The following TNR variants were observed in gnomAD, a reference collection of about 807,000 sequenced individuals.
TNR encodes the protein tenascin-R.
In TNR, 45 loss-of-function variants were observed where a neutral mutation model predicts 150.4. The ratio of observed to expected loss-of-function variants is 0.30; its 90% CI spans 0.24 to 0.38. TNR has a LOEUF of 0.38. Among genes scored for constraint, TNR ranks in the 10% least tolerant of loss-of-function variants. The pLI is 1.00. For synonymous variants in TNR, 687 were observed against 678.4 expected, an observed-to-expected ratio of 1.01 and a Z score of -0.20; for missense variants, 1,544 against 1,759.1, an observed-to-expected ratio of 0.88 and a Z score of 2.19.
At chr1:175,482,361 G>T (rs764260646) in intron 2 of TNR, among the ~76,000 whole-genome samples, 2 of 152,142 alleles carry the variant, frequency 1.3e-5, no homozygotes, top group African/African-American at 2.4e-5. Context: ...AGACCGGAAG[G>T]GATAAAACTT....
chr1:175,618,996 A>G (rs1050593189), intron 1 of TNR, among the ~76,000 whole-genome samples: 5 of 152,162 alleles, frequency 3.3e-5, no homozygotes, highest in African/African-American at 1.2e-4. Flanking sequence ...CCCTGGCCTC[A>G]TTGCCCAGGT....
At position 175,323,223 on chromosome 1, in the gene TNR, T is replaced by C. The variant is rs1394932172; in HGVS notation, c.*134A>G. ...GAGCAGATGTTAGCCAGCGGATTCC[T>C]GCGACATCCCTGCTTCCTTCACATA... On this transcript the variant is annotated 3_prime_UTR_variant, in exon 23 of 23. Coordinates refer to ENST00000367674, the MANE Select transcript of TNR (RefSeq NM_003285.3). 1 of 1,201,530 alleles carries C rather than the reference T, an allele frequency of 8.3e-7. No homozygotes were observed. The highest frequency in any genetic ancestry group is 1.1e-6 in the Non-Finnish European group (1 of 881,800). 74.4% of individuals were successfully genotyped at this position (1,201,530 alleles called of 1,614,324 possible). A position where few individuals can be genotyped will look rare whatever the true frequency, so the allele number is the denominator to read the frequency against.
intron 1 of TNR, among the ~76,000 whole-genome samples, chr1:175,742,941 C>A (rs1234351769): frequency 4.1e-5 from 6 of 146,526 alleles, no homozygotes; most frequent in African/African-American, 1.5e-4. Context: ...TTAGCTCAGA[C>A]CTCACCTGTC....
At chr1:175,354,338 G>T (rs962464667) in intron 18 of TNR, 53 bp downstream of exon 18, 12 of 1,599,214 alleles carry the variant, frequency 7.5e-6, no homozygotes, top group Non-Finnish European at 1.0e-5. Flanking sequence ...CTGCTGATGA[G>T]CCAAACATCA....
At chr1:175,615,681 A>G (rs2101859465) in intron 1 of TNR, among the ~76,000 whole-genome samples, 1 of 152,308 alleles carries the variant, frequency 6.6e-6, no homozygotes, top group South Asian at 2.1e-4. Context: ...TTCAGGAATT[A>G]GAGTGTAGAG....
intron 1 of TNR, among the ~76,000 whole-genome samples, chr1:175,546,896 G>A (rs1660710510): frequency 6.6e-6 from 1 of 152,234 alleles, no homozygotes; most frequent in Non-Finnish European, 1.5e-5. Context: ...CTCACCTCAA[G>A]TTGACCAGAG....
intron 2 of TNR, among the ~76,000 whole-genome samples, chr1:175,416,506 T>C (rs1654458332): frequency 6.6e-6 from 1 of 152,254 alleles, no homozygotes; most frequent in African/African-American, 2.4e-5. Flanking sequence ...TCTGTGTTTC[T>C]TGAGCTTGGA....
At chr1:175,413,198 G>T (rs1654291125) in intron 2 of TNR, among the ~76,000 whole-genome samples, 1 of 152,160 alleles carries the variant, frequency 6.6e-6, no homozygotes, top group Admixed American at 6.5e-5. Context: ...GCTAATTTTT[G>T]TATTTTTAGT....
At position 175,323,108 on chromosome 1, in the gene TNR, C is replaced by T. The variant is rs960494186; in HGVS notation, c.*249G>A. The T allele has an allele frequency of 1.1e-4, 43 of 391,562 alleles. 3 individuals carry two copies. Among genetic ancestry groups the T allele is most frequent in the South Asian group, 2.3e-4 (4 of 17,620 alleles). 24.3% of individuals were successfully genotyped at this position (391,562 alleles called of 1,614,324 possible). On this transcript the variant is annotated 3_prime_UTR_variant, in exon 23 of 23. Transcript: ENST00000367674. ...TTTAAGAAAACTTCCTACTTCTCCT[C>T]CTTGGTGGGAAAGGAGGTGAAGGTT...
intron 2 of TNR, among the ~76,000 whole-genome samples, chr1:175,463,839 A>C (rs1656919153): frequency 6.6e-6 from 1 of 152,240 alleles, no homozygotes; most frequent in South Asian, 2.1e-4. Flanking sequence ...GCTGCAAGGC[A>C]GAAATGAAGG....
chr1:175,674,188 C>T (rs921482157), intron 1 of TNR, among the ~76,000 whole-genome samples: 1 of 152,070 alleles, frequency 6.6e-6, no homozygotes, highest in African/African-American at 2.4e-5. Flanking sequence ...AGGAGTCCTA[C>T]CTGGGGAAAA....
chr1:175,722,742 C>T (rs1667342860), intron 1 of TNR, among the ~76,000 whole-genome samples: 2 of 151,720 alleles, frequency 1.3e-5, no homozygotes, highest in Non-Finnish European at 2.9e-5. Context: ...TGGGGGATTA[C>T]AGGCATGAGC....
At chr1:175,672,986 A>C (rs1456336856) in intron 1 of TNR, among the ~76,000 whole-genome samples, 1 of 152,070 alleles carries the variant, frequency 6.6e-6, no homozygotes, top group Non-Finnish European at 1.5e-5. Context: ...GCCTCTTCTG[A>C]GTTCCAGCTA....
chr1:175,546,035 A>G (rs554580001), intron 1 of TNR, among the ~76,000 whole-genome samples: 6 of 152,306 alleles, frequency 3.9e-5, no homozygotes, highest in African/African-American at 9.6e-5. Context: ...TGGGGTACCA[A>G]GTTGGTTTGT....
At chr1:175,649,967 T>G (rs1254949055) in intron 1 of TNR, among the ~76,000 whole-genome samples, 1 of 152,192 alleles carries the variant, frequency 6.6e-6, no homozygotes. Context: ...CTTCCCCATG[T>G]TAACATGTGT....
At position 175,323,620 on chromosome 1, in the gene TNR, C is replaced by T. The variant is rs534826538; in HGVS notation, c.3958-144G>A. The stretch of plus-strand genomic sequence containing the variant: ...ACATGAAGCTTCAAGGCCGAGTTCC[C>T]AATAAAGTGAAAGGGGCAGAGTCTC... On this transcript the variant is annotated intron_variant, in intron 22 of 22. Transcript: ENST00000367674. The T allele has an allele frequency of 3.2e-4, 378 of 1,192,346 alleles. 5 individuals carry two copies. In the South Asian group the frequency reaches 5.7e-3, roughly 18 times the overall value. The allele number at this position is 1,192,346 out of a possible 1,614,324, so 73.9% of individuals were successfully genotyped here. A position where few individuals can be genotyped will look rare whatever the true frequency, so the allele number is the denominator to read the frequency against.
chr1:175,656,228 C>T (rs1394813735), intron 1 of TNR, among the ~76,000 whole-genome samples: 1 of 146,558 alleles, frequency 6.8e-6, no homozygotes, highest in Non-Finnish European at 1.5e-5. Flanking sequence ...CCCAAGCATC[C>T]ATCAGTTTGC....
intron 1 of TNR, among the ~76,000 whole-genome samples, chr1:175,622,568 A>T (rs750146905): frequency 3.3e-5 from 5 of 151,970 alleles, no homozygotes; most frequent in Admixed American, 6.6e-5. Flanking sequence ...TCCTTTGCCA[A>T]CTCCTACGCA....
At chr1:175,533,823 G>A (rs1436932992) in intron 1 of TNR, among the ~76,000 whole-genome samples, 1 of 152,154 alleles carries the variant, frequency 6.6e-6, no homozygotes, top group African/African-American at 2.4e-5. Context: ...CTTGCATGCA[G>A]GAGCTTTGTT....
Sources: allele counts gnomAD v4.1 joint callset (sites outside exome capture counted in the v4.1 genomes callset), GRCh38; gene constraint gnomAD v4.1.1; transcripts MANE v1.5; gene names NCBI Gene and HGNC (gene_info 2026-07-23, HGNC 2026-07-21).